Variants in SLC16A14 observed in about 807,000 individuals in gnomAD.
SLC16A14 encodes the protein solute carrier family 16 member 14, also known as monocarboxylate transporter 14.
In SLC16A14, 14 loss-of-function variants were observed where a neutral mutation model predicts 35.8. The observed-to-expected ratio is 0.39, with a 90% CI of 0.26 to 0.61. The LOEUF is 0.61. SLC16A14 is among the 20% of genes least tolerant of loss of function. The pLI is 0.51. For missense variants in SLC16A14, 533 were observed against 655.0 expected (o/e 0.81, Z 2.03); for synonymous variants, 248 against 258.9 (o/e 0.96, Z 0.40).
At position 230,046,203 on chromosome 2, in the gene SLC16A14, G is replaced by A. The variant is rs762537331; in HGVS notation, c.923C>T (p.Ala308Val). The change falls in exon 4 of 5, where the codon GCC becomes GTC. Residue 308 changes from alanine (A) to valine (V), a missense_variant. Coordinates refer to ENST00000295190, the MANE Select transcript of SLC16A14 (RefSeq NM_152527.5). The surrounding 1 kb of genome is among the most constrained non-coding windows in gnomAD (Gnocchi z 5.0). ...AAACATTCGATTTGTAAATAGAGAG[G>A]CTGTCCCAAAGTAGCCCGAATACCA... The part of the protein sequence containing the change: ...EDWYSGYFGT[A>V]SLFTNRMFVA... The A allele has an allele frequency of 8.7e-6, 14 of 1,614,084 alleles. No individual in the cohort carries two copies. Among genetic ancestry groups the A allele is most frequent in the Non-Finnish European group, 1.2e-5 (14 of 1,180,044 alleles).
At chr2:230,065,667 G>C (rs1334407572) in intron 1 of SLC16A14, among the ~76,000 whole-genome samples, 1 of 152,028 alleles carries the variant, frequency 6.6e-6, no homozygotes, top group African/African-American at 2.4e-5. Flanking sequence ...GACTACTCAT[G>C]GTTAACTTCT....
chr2:230,037,474 A>C lies in SLC16A14; in HGVS notation c.1439T>G (p.Leu480Arg). ...YDFSFYICGL[L>R]YMIGILFLLI... ...TAAAAAGAGTATTCCTATCATGTAAAGCAAACCACATATGTAGAAGGAAAA... is the reference window on the plus strand; with the variant it reads ...TAAAAAGAGTATTCCTATCATGTAACGCAAACCACATATGTAGAAGGAAAA... The change falls in exon 5 of 5, where the codon CTT becomes CGT. Residue 480 changes from leucine (L) to arginine (R), a missense_variant. Transcript: ENST00000295190. 6.2e-7 allele frequency: 1 copy of C among 1,612,890 alleles called. No homozygotes were observed.
intron 2 of SLC16A14, among the ~76,000 whole-genome samples, chr2:230,055,715 T>C (rs2077698538): frequency 2.0e-5 from 3 of 152,244 alleles, no homozygotes; most frequent in African/African-American, 7.2e-5. Flanking sequence ...AAACATAATA[T>C]CTAAGACCAA....
intron 3 of SLC16A14, among the ~76,000 whole-genome samples, chr2:230,047,763 G>A (rs1005783938): frequency 2.0e-5 from 3 of 152,170 alleles, no homozygotes; most frequent in Non-Finnish European, 4.4e-5. Flanking sequence ...GTGAGGTGAT[G>A]GATATGTCAA....
chr2:230,056,241 C>T (rs1479589076), intron 2 of SLC16A14, among the ~76,000 whole-genome samples: 2 of 147,368 alleles, frequency 1.4e-5, no homozygotes, highest in East Asian at 4.0e-4. Context: ...ACCATTGTTA[C>T]TAATATTGGT....
chr2:230,063,290 CAAAAAAA>C (rs6147218), intron 1 of SLC16A14, among the ~76,000 whole-genome samples: 11 of 100,664 alleles, frequency 1.1e-4, no homozygotes, highest in Non-Finnish European at 1.9e-4. Flanking sequence ...AACTCTGTCT[CAAAAAAA>C]AAAAAAAAAA....
chr2:230,051,575 A>G (rs1484034668), intron 2 of SLC16A14, among the ~76,000 whole-genome samples: 2 of 152,244 alleles, frequency 1.3e-5, no homozygotes, highest in Non-Finnish European at 2.9e-5. Flanking sequence ...TTGTTTAAAT[A>G]GGAATCCAGA....
chr2:230,051,178 T>C lies in SLC16A14; in HGVS notation c.260-1274A>G, dbSNP rs1451644845. 2.0e-5 allele frequency among the ~76,000 whole-genome samples: 3 copies of C among 152,226 alleles called. No individual in the cohort carries two copies. In the East Asian group the frequency reaches 5.8e-4, roughly 29 times the overall value. ...TTGTTTTGTTTTCTTGTTTTTGTTT[T>C]GATACAGGGTCTCACTGTGTCATCC... On this transcript the variant is annotated intron_variant, in intron 2 of 4. Transcript: ENST00000295190.
At chr2:230,056,066 A>G (rs1173097478) in intron 2 of SLC16A14, among the ~76,000 whole-genome samples, 1 of 152,246 alleles carries the variant, frequency 6.6e-6, no homozygotes, top group Non-Finnish European at 1.5e-5. Flanking sequence ...AATGTTACAG[A>G]CAAAAATGAT....
chr2:230,055,883 G>A (rs2077699657), intron 2 of SLC16A14, among the ~76,000 whole-genome samples: 2 of 152,246 alleles, frequency 1.3e-5, no homozygotes, highest in African/African-American at 4.8e-5. Context: ...AAGAAAGCTG[G>A]ATTTTAAGTG....
chr2:230,045,522 T>C (rs971425291), intron 4 of SLC16A14: 15 of 544,920 alleles, frequency 2.8e-5, no homozygotes, highest in African/African-American at 3.9e-5. Flanking sequence ...AGCGCACCAC[T>C]GCACTCCAGC....
intron 3 of SLC16A14, among the ~76,000 whole-genome samples, chr2:230,048,665 T>C (rs1475354279): frequency 1.3e-5 from 2 of 152,190 alleles, no homozygotes; most frequent in African/African-American, 2.4e-5. Flanking sequence ...GGCTGACACC[T>C]GTAATCCCAG....
chr2:230,045,694 A>AGTT lies in SLC16A14; in HGVS notation c.1381+50_1381+51insAAC, dbSNP rs1239624199. The AGTT allele has an allele frequency of 1.4e-5, 22 of 1,604,122 alleles. No homozygotes were observed. The Middle Eastern group carries it at 2.0e-3, about 145-fold the overall frequency. On this transcript the variant is annotated intron_variant, in intron 4 of 4. Transcript: ENST00000295190. ...TCTTTATCTGGGACTTTATAACATA[A>AGTT]CGCACCATATGTACATGCACTCTGA...
intron 3 of SLC16A14, among the ~76,000 whole-genome samples, chr2:230,049,432 G>A (rs1371069688): frequency 1.3e-5 from 2 of 151,968 alleles, no homozygotes; most frequent in African/African-American, 4.8e-5. Context: ...TTAATCTTTG[G>A]TCCATTCACC....
chr2:230,037,238 G>T lies in SLC16A14; in HGVS notation c.*142C>A. ...GAGAGGCAGTGCTGCTTACAAATGA[G>T]GCTGTGACAATGGCATTTACAAATG... is the stretch of plus-strand genomic sequence containing the variant. On this transcript the variant is annotated 3_prime_UTR_variant, in exon 5 of 5. Coordinates refer to ENST00000295190, the MANE Select transcript of SLC16A14 (RefSeq NM_152527.5). 1 of 649,890 alleles carries T rather than the reference G, an allele frequency of 1.5e-6. No individual in the cohort carries two copies. Among genetic ancestry groups the T allele is most frequent in the Non-Finnish European group, 2.5e-6 (1 of 399,470 alleles). The allele number at this position is 649,890 out of a possible 1,614,324, so 40.3% of individuals were successfully genotyped here. A position where few individuals can be genotyped will look rare whatever the true frequency, so the allele number is the denominator to read the frequency against.
At chr2:230,043,002 G>C (rs934445970) in intron 4 of SLC16A14, among the ~76,000 whole-genome samples, 10 of 152,308 alleles carry the variant, frequency 6.6e-5, no homozygotes, top group African/African-American at 2.4e-4. Context: ...TATATTTCTG[G>C]TTATGTGACA....
In SLC16A14 at chr2:230,067,534, T is replaced by TTCTCTCTCTCTCTC. The variant is rs145179402; in HGVS notation, c.-15+1007_-15+1020dup. Among the ~76,000 whole-genome samples, 120 of 128,408 alleles carry TTCTCTCTCTCTCTC rather than the reference T, an allele frequency of 9.3e-4. 2 individuals are homozygous for TTCTCTCTCTCTCTC. Among genetic ancestry groups the TTCTCTCTCTCTCTC allele is most frequent in the African/African-American group, 3.5e-3 (109 of 31,330 alleles). 84.2% of individuals were successfully genotyped at this position (128,408 alleles called of 152,430 possible). A position where few individuals can be genotyped will look rare whatever the true frequency, so the allele number is the denominator to read the frequency against. On this transcript the variant is annotated intron_variant, in intron 1 of 4. Transcript: ENST00000295190. ...CCCAACACTGCCTCTCTCCCCTCTC[T>TTCTCTCTCTCTCTC]TCTCTCTCTCTCTCTCTCTCTCTCT...
intron 1 of SLC16A14, among the ~76,000 whole-genome samples, chr2:230,061,944 G>T (rs959926314): frequency 1.2e-4 from 18 of 152,094 alleles, no homozygotes; most frequent in African/African-American, 4.3e-4. Context: ...GTTTCGCCAT[G>T]ATGGCCAGAC....
rs1309691111 is a variant in SLC16A14 at position 230,046,655 on chromosome 2, G to A, written c.471C>T (p.Arg157=). Residue 157 remains arginine (R), a synonymous_variant, in exon 4 of 5, where the codon CGC becomes CGT. Transcript: ENST00000295190. The surrounding 1 kb of genome is among the most constrained non-coding windows in gnomAD (Gnocchi z 5.0). ...VMVGRYFQKR[R]ALAQGLSTTG... The stretch of plus-strand genomic sequence containing the variant: ...TGGTGCTGAGGCCCTGGGCGAGGGC[G>A]CGTCTCTTCTGGAAATACCTGCCCA... 1.9e-6 allele frequency: 3 copies of A among 1,606,180 alleles called. No individual in the cohort carries two copies. Among genetic ancestry groups the A allele is most frequent in the East Asian group, 2.2e-5 (1 of 44,882 alleles).
Sources: allele counts gnomAD v4.1 joint callset (sites outside exome capture counted in the v4.1 genomes callset), GRCh38; gene constraint gnomAD v4.1.1; non-coding constraint Gnocchi (gnomAD v3.1); transcripts MANE v1.5; gene names NCBI Gene and HGNC (gene_info 2026-07-23, HGNC 2026-07-21).